The following CUL3 variants were observed in gnomAD, a reference collection of about 807,000 sequenced individuals.
CUL3 encodes cullin-3.
A neutral mutation model predicts 89.1 loss-of-function variants in CUL3; 19 were observed. That is an observed-to-expected ratio of 0.21 (90% confidence interval 0.15 to 0.31). The LOEUF is 0.31. Among genes scored for constraint, CUL3 ranks in the 10% least tolerant of loss-of-function variants. The pLI is 1.00. For synonymous variants in CUL3, 351 were observed against 308.4 expected (o/e 1.14, Z -1.45); for missense variants, 469 against 942.3 (o/e 0.50, Z 6.58).
chr2:224,568,976 T>A (rs563848402), intron 1 of CUL3, among the ~76,000 whole-genome samples: 2 of 152,270 alleles, frequency 1.3e-5, no homozygotes, highest in South Asian at 2.1e-4. Flanking sequence ...TACTGAAAAA[T>A]TTTTTAAATG....
chr2:224,578,108 C>A (rs1695351121), intron 1 of CUL3, among the ~76,000 whole-genome samples: 1 of 152,116 alleles, frequency 6.6e-6, no homozygotes, highest in Admixed American at 6.5e-5. Context: ...TTATGGAGGT[C>A]AATTAGGTAA....
chr2:224,551,205 ATT>A lies in CUL3; in HGVS notation c.264+6452_264+6453del, dbSNP rs1211420165. Among the ~76,000 whole-genome samples the A allele has an allele frequency of 2.5e-4, 34 of 133,960 alleles. No homozygotes were observed. The East Asian group carries it at 4.3e-3, about 17-fold the overall frequency. 87.9% of individuals were successfully genotyped at this position (133,960 alleles called of 152,430 possible). ...CAGGTGTGTGCCACCAAGCCCGGCA[ATT>A]TTTTTTTTTTTTTTTTGAGACGGAG... On this transcript the variant is annotated intron_variant, in intron 2 of 15. Coordinates refer to ENST00000264414, the MANE Select transcript of CUL3 (RefSeq NM_003590.5).
rs1396860627 is a variant in CUL3 at position 224,518,524 on chromosome 2, C to G, written c.379-3752G>C. 5.3e-5 allele frequency among the ~76,000 whole-genome samples: 8 copies of G among 152,088 alleles called. No homozygotes were observed. In the East Asian group the frequency reaches 1.3e-3, roughly 26 times the overall value. ...ACTGGGCTGTATGGAAATTATCAAA[C>G]TTTTCTAAGGGGGATCTATCACTTA... On this transcript the variant is annotated intron_variant, in intron 3 of 15. Coordinates refer to ENST00000264414, the MANE Select transcript of CUL3 (RefSeq NM_003590.5).
chr2:224,547,130 A>C (rs1326161006), intron 2 of CUL3, among the ~76,000 whole-genome samples: 1 of 152,100 alleles, frequency 6.6e-6, no homozygotes, highest in Admixed American at 6.6e-5. Context: ...TGAAAATGGC[A>C]CTCATCCTAA....
chr2:224,494,804 T>C (rs973957686), intron 13 of CUL3, among the ~76,000 whole-genome samples: 1 of 151,896 alleles, frequency 6.6e-6, no homozygotes, highest in Non-Finnish European at 1.5e-5. Flanking sequence ...ATTGAAAAAA[T>C]AAAAGTAAAT....
intron 8 of CUL3, among the ~76,000 whole-genome samples, chr2:224,505,534 C>G (rs1463829767): frequency 6.6e-6 from 1 of 152,164 alleles, no homozygotes; most frequent in Non-Finnish European, 1.5e-5. Flanking sequence ...CTCCTGAGCT[C>G]AAGTGATCCT....
At chr2:224,499,742 C>A in intron 11 of CUL3, 1 of 212,498 alleles carries the variant, frequency 4.7e-6, no homozygotes, top group South Asian at 8.7e-5. Flanking sequence ...CAGACAATGT[C>A]TAAGTGTCCA....
chr2:224,487,773 T>A (rs1453637976), intron 13 of CUL3, among the ~76,000 whole-genome samples: 1 of 152,078 alleles, frequency 6.6e-6, no homozygotes, highest in Non-Finnish European at 1.5e-5. Flanking sequence ...GAACTCTCCA[T>A]CCCACATCAA....
intron 2 of CUL3, among the ~76,000 whole-genome samples, chr2:224,546,439 G>C (rs577283273): frequency 2.3e-4 from 35 of 151,998 alleles, no homozygotes; most frequent in Admixed American, 1.8e-3. Flanking sequence ...AGTAGGGAGA[G>C]GTATTACCCC....
intron 13 of CUL3, among the ~76,000 whole-genome samples, chr2:224,487,834 C>G (rs1197652184): frequency 6.6e-6 from 1 of 152,036 alleles, no homozygotes; most frequent in African/African-American, 2.4e-5. Flanking sequence ...TAATATTGAC[C>G]ACATAATGGG....
rs1692334868 is a variant in CUL3 at position 224,500,407 on chromosome 2, G to A, written c.1566C>T (p.Cys522=). 3 of 1,613,874 alleles carry A rather than the reference G, an allele frequency of 1.9e-6. No individual in the cohort carries two copies. Among genetic ancestry groups the A allele is most frequent in the African/African-American group, 2.7e-5 (2 of 74,884 alleles). Residue 522 remains cysteine (C), a synonymous_variant, in exon 11 of 16, where the codon TGC becomes TGT. Coordinates refer to ENST00000264414, the MANE Select transcript of CUL3 (RefSeq NM_003590.5). ...CATGTCTTGGTGCTGGTGGGATGTT[G>A]CACTTTGGTGTGGCTGACTGAGTGG... The part of the protein sequence containing the change: ...YWPTQSATPK[C]NIPPAPRHAF...
At chr2:224,494,246 T>C (rs2106175861) in intron 13 of CUL3, among the ~76,000 whole-genome samples, 1 of 152,336 alleles carries the variant, frequency 6.6e-6, no homozygotes, top group East Asian at 1.9e-4. Context: ...CTCACCTGTA[T>C]ATGAAAATTG....
At chr2:224,507,625 T>C (rs978714498) in intron 6 of CUL3, among the ~76,000 whole-genome samples, 46 of 152,276 alleles carry the variant, frequency 3.0e-4, no homozygotes, top group African/African-American at 1.1e-3. Flanking sequence ...ATCCCTAATG[T>C]TTCCCAGGTA....
Position 224,470,965 on chromosome 2 carries a change from C to T in CUL3, c.*3280G>A. 1 of 228,884 alleles carries T rather than the reference C, an allele frequency of 4.4e-6. No individual in the cohort carries two copies. The allele number at this position is 228,884 out of a possible 1,614,324, so 14.2% of individuals were successfully genotyped here. ...ATTTCCTGCTAGCAACCTTGGACAA[C>T]ACTGGTATAATGACAGTTATGTCAC... is the stretch of plus-strand genomic sequence containing the variant. On this transcript the variant is annotated 3_prime_UTR_variant, in exon 16 of 16. Coordinates refer to ENST00000264414, the MANE Select transcript of CUL3 (RefSeq NM_003590.5).
intron 3 of CUL3, among the ~76,000 whole-genome samples, chr2:224,523,070 G>A (rs997617103): frequency 1.3e-5 from 2 of 152,116 alleles, no homozygotes; most frequent in East Asian, 1.9e-4. Context: ...ACACTTTGAG[G>A]TCTTAGAGCA....
chr2:224,565,405 G>A (rs1424144920), intron 1 of CUL3, among the ~76,000 whole-genome samples: 2 of 152,158 alleles, frequency 1.3e-5, no homozygotes, highest in East Asian at 3.8e-4. Flanking sequence ...AAGAGATGGA[G>A]GAGGGAGAGG....
intron 6 of CUL3, among the ~76,000 whole-genome samples, chr2:224,507,942 A>G (rs1692665050): frequency 6.6e-6 from 1 of 152,188 alleles, no homozygotes; most frequent in African/African-American, 2.4e-5. Flanking sequence ...AGTATCAGAT[A>G]ATAAATATTT....
chr2:224,557,738 T>C lies in CUL3; in HGVS notation c.185A>G (p.Tyr62Cys). 6.2e-7 allele frequency: 1 copy of C among 1,611,496 alleles called. No individual in the cohort carries two copies. The highest frequency in any genetic ancestry group is 8.5e-7 in the Non-Finnish European group (1 of 1,177,992). Residue 62 changes from tyrosine to cysteine, a missense_variant, in exon 2 of 16, where the codon TAT becomes TGT. Tyr to Cys is a radical substitution (Grantham distance 194, BLOSUM62 -2). Transcript: ENST00000264414. ...LSFEELYRNA[Y>C]TMVLHKHGEK... ...TCCATGTTTATGCAAAACCATTGTATATGCATTTCTATAGAGCTCCTCAAA... is the reference window on the plus strand; with the variant it reads ...TCCATGTTTATGCAAAACCATTGTACATGCATTTCTATAGAGCTCCTCAAA...
chr2:224,565,328 T>C (rs1003902605), intron 1 of CUL3, among the ~76,000 whole-genome samples: 10 of 152,162 alleles, frequency 6.6e-5, no homozygotes, highest in African/African-American at 2.4e-4. Context: ...CTTCTGGTCT[T>C]CACATTCAGT....
Sources: allele counts gnomAD v4.1 joint callset (sites outside exome capture counted in the v4.1 genomes callset), GRCh38; gene constraint gnomAD v4.1.1; transcripts MANE v1.5; gene names NCBI Gene and HGNC (gene_info 2026-07-23, HGNC 2026-07-21).